The following PIWIL1 variants were observed in gnomAD, a reference collection of about 807,000 sequenced individuals.
The protein encoded by PIWIL1 is piwi-like protein 1.
PIWIL1 carries 73 observed loss-of-function variants against 114.4 expected under a neutral mutation model. The observed-to-expected ratio is 0.64, with a 90% CI of 0.53 to 0.78. PIWIL1 has a LOEUF of 0.78. Among genes scored for constraint, PIWIL1 ranks in the 30% least tolerant of loss-of-function variants. PIWIL1 has a pLI of 0.00. For synonymous variants in PIWIL1, 375 were observed against 369.0 expected (o/e 1.02, Z -0.19); for missense variants, 723 against 1,063.1 (o/e 0.68, Z 4.45).
At chr12:130,409,261 C>A in the PIWIL1 span, among the ~76,000 whole-genome samples, 1 of 149,176 alleles carries the variant, frequency 6.7e-6, no homozygotes, top group Non-Finnish European at 1.5e-5. Flanking sequence ...CAGATGACCA[C>A]AGATCTGTTT....
In PIWIL1 at chr12:130,355,543, A is replaced by C; in HGVS notation, c.1290-10A>C. 6.3e-7 allele frequency: 1 copy of C among 1,592,902 alleles called. No individual in the cohort carries two copies. Among genetic ancestry groups the C allele is most frequent in the Non-Finnish European group, 8.6e-7 (1 of 1,160,752 alleles). ...TTGTTGAGTCGCATGTAAATGTGTT[A>C]AATTTACAGAAACGATAATGTTCAA... On this transcript the variant is annotated splice_polypyrimidine_tract_variant and intron_variant, in intron 11 of 20. Transcript: ENST00000245255.
intron 9 of PIWIL1, 89 bp from the exon 10 acceptor site, chr12:130,354,448 A>AT (rs1199341104): frequency 1.9e-5 from 30 of 1,545,530 alleles, no homozygotes; most frequent in Non-Finnish European, 2.3e-5. Flanking sequence ...TCAGCTCTTT[A>AT]TTTTTTTAAA....
chr12:130,392,839 C>A, the PIWIL1 span, among the ~76,000 whole-genome samples: 1 of 117,926 alleles, frequency 8.5e-6, no homozygotes, highest in African/African-American at 3.3e-5. Flanking sequence ...TTGTGATGAC[C>A]CGGTCACCGT....
At chr12:130,350,131 G>T (rs1593095597) in intron 9 of PIWIL1, among the ~76,000 whole-genome samples, 164 bp downstream of exon 9, 4 of 152,292 alleles carry the variant, frequency 2.6e-5, no homozygotes, top group Admixed American at 2.6e-4. Flanking sequence ...TTATTAAAAT[G>T]CCTCTTTTTA....
At chr12:130,376,830 C>T (rs182802876), downstream of PIWIL1, among the ~76,000 whole-genome samples, 2 of 152,216 alleles carry the variant, frequency 1.3e-5, no homozygotes, top group South Asian at 4.1e-4. Flanking sequence ...TACAGTCCCA[C>T]TATGGATCCC....
chr12:130,367,027 A>G (rs2073678797), intron 18 of PIWIL1, 106 bp from the exon 19 acceptor site: 2 of 1,300,042 alleles, frequency 1.5e-6, no homozygotes, highest in African/African-American at 1.4e-5. Context: ...GATACGCCCC[A>G]GGAGGGATGT....
chr12:130,395,163 G>C, the PIWIL1 span, among the ~76,000 whole-genome samples: 1 of 152,182 alleles, frequency 6.6e-6, no homozygotes, highest in Non-Finnish European at 1.5e-5. Context: ...TGAGTACTCT[G>C]TACAGTTTGG....
chr12:130,403,682 G>GAA, the PIWIL1 span, among the ~76,000 whole-genome samples: 3 of 152,060 alleles, frequency 2.0e-5, no homozygotes, highest in Non-Finnish European at 2.9e-5. Flanking sequence ...CTAAAGCATA[G>GAA]AAAAAGGTTG....
At position 130,355,301 on chromosome 12, in the gene PIWIL1, A is replaced by G. The variant is rs1422851744; in HGVS notation, c.1290-252A>G. On this transcript the variant is annotated intron_variant, in intron 11 of 20. Coordinates refer to ENST00000245255, the MANE Select transcript of PIWIL1 (RefSeq NM_004764.5). ...GTCAAATCTTTTTTCTATCTTTGTT[A>G]TATCAAGGGGTTTCCTTTGACGGGG... 2.6e-5 allele frequency among the ~76,000 whole-genome samples: 4 copies of G among 152,228 alleles called. No homozygotes were observed. The South Asian group carries it at 8.3e-4, about 32-fold the overall frequency.
intron 12 of PIWIL1, 63 bp from the exon 13 acceptor site, chr12:130,356,855 C>A: frequency 8.6e-7 from 1 of 1,158,474 alleles, no homozygotes; most frequent in Non-Finnish European, 1.2e-6. Context: ...TTATTGAAGA[C>A]TGTTTGGCTT....
chr12:130,414,112 A>G, the PIWIL1 span: 4 of 1,613,912 alleles, frequency 2.5e-6, no homozygotes, highest in Admixed American at 1.7e-5. Flanking sequence ...GCCCGCAGGC[A>G]GCCATCCCGC....
downstream of PIWIL1, among the ~76,000 whole-genome samples, chr12:130,375,090 G>A (rs1211405187): frequency 2.0e-5 from 3 of 152,158 alleles, no homozygotes; most frequent in South Asian, 2.1e-4. Flanking sequence ...CATGTCAGCC[G>A]CTCCCCCTCC....
At chr12:130,404,559 G>A in the PIWIL1 span, among the ~76,000 whole-genome samples, 9 of 152,248 alleles carry the variant, frequency 5.9e-5, 1 homozygote, top group African/African-American at 2.2e-4. Context: ...CTCAGCCTCC[G>A]CATGAGTCAC....
the PIWIL1 span, among the ~76,000 whole-genome samples, chr12:130,382,031 C>A: frequency 6.6e-6 from 1 of 152,168 alleles, no homozygotes; most frequent in Non-Finnish European, 1.5e-5. Flanking sequence ...GAGTTCTTTG[C>A]ATATTTTAGA....
the PIWIL1 span, among the ~76,000 whole-genome samples, chr12:130,386,007 G>A: frequency 6.6e-6 from 1 of 152,168 alleles, no homozygotes; most frequent in South Asian, 2.1e-4. Context: ...GCTCCTTGCT[G>A]CATGTTCTTC....
intron 5 of PIWIL1, 106 bp downstream of exon 5, chr12:130,346,690 G>A (rs774650269): frequency 6.1e-5 from 59 of 964,528 alleles, no homozygotes; most frequent in Non-Finnish European, 8.3e-5. Context: ...TCTCCTGTCT[G>A]ATATGACTTG....
At chr12:130,376,909 G>A (rs961388013), downstream of PIWIL1, among the ~76,000 whole-genome samples, 13 of 152,298 alleles carry the variant, frequency 8.5e-5, no homozygotes, top group South Asian at 4.1e-4. Context: ...CAGGAGACTC[G>A]GTTCTCCTCC....
chr12:130,360,831 T>C (rs1289763636), intron 14 of PIWIL1, among the ~76,000 whole-genome samples: 2 of 152,214 alleles, frequency 1.3e-5, no homozygotes, highest in South Asian at 2.1e-4. Flanking sequence ...ATGAGTAAAT[T>C]AAGACTGTGG....
At chr12:130,353,580 A>G (rs1054715498) in intron 9 of PIWIL1, among the ~76,000 whole-genome samples, 19 of 152,214 alleles carry the variant, frequency 1.2e-4, no homozygotes, top group African/African-American at 4.3e-4. Flanking sequence ...TCATGGTTCT[A>G]GAATTGCCGA....
Sources: allele counts gnomAD v4.1 joint callset (sites outside exome capture counted in the v4.1 genomes callset), GRCh38; gene constraint gnomAD v4.1.1; transcripts MANE v1.5; gene names NCBI Gene and HGNC (gene_info 2026-07-23, HGNC 2026-07-21).